The following FBXO33 variants were observed in gnomAD, a reference collection of about 807,000 sequenced individuals.
FBXO33 encodes the protein F-box only protein 33.
FBXO33 carries 22 observed loss-of-function variants against 46.3 expected under a neutral mutation model. The observed-to-expected ratio is 0.48, with a 90% CI of 0.34 to 0.68. The LOEUF (loss-of-function observed/expected upper bound fraction) is 0.68. Ranked by LOEUF, FBXO33 falls within the 30% of genes least tolerant of loss-of-function variation. The pLI is 0.01. For synonymous variants in FBXO33, 337 were observed against 291.3 expected (o/e 1.16, Z -1.60); for missense variants, 692 against 708.8 (o/e 0.98, Z 0.27).
intron 1 of FBXO33, among the ~76,000 whole-genome samples, chr14:39,412,419 C>T (rs965921490): frequency 1.9e-4 from 29 of 152,282 alleles, no homozygotes; most frequent in African/African-American, 6.7e-4. Context: ...TCTCATTTCC[C>T]CGCTTTCACC....
intron 1 of FBXO33, among the ~76,000 whole-genome samples, chr14:39,429,381 A>C (rs527299133): frequency 3.3e-4 from 50 of 152,350 alleles, no homozygotes; most frequent in Non-Finnish European, 8.8e-5. Flanking sequence ...GAGCAATGTC[A>C]AATGTCCCAA....
intron 1 of FBXO33, among the ~76,000 whole-genome samples, chr14:39,403,592 T>G (rs2075378820): frequency 6.6e-6 from 1 of 152,166 alleles, no homozygotes; most frequent in South Asian, 2.1e-4. Flanking sequence ...AATCTTTTGG[T>G]TTTAGATAAT....
intron 1 of FBXO33, among the ~76,000 whole-genome samples, chr14:39,430,746 T>C (rs1044848633): frequency 1.3e-5 from 2 of 152,178 alleles, no homozygotes; most frequent in African/African-American, 4.8e-5. Context: ...TCTAAATTAA[T>C]AGGGTTTTGG....
chr14:39,410,870 T>C (rs1003747139), intron 1 of FBXO33, among the ~76,000 whole-genome samples: 1 of 152,208 alleles, frequency 6.6e-6, no homozygotes, highest in Non-Finnish European at 1.5e-5. Flanking sequence ...TCAGTTGTAA[T>C]GTCTCCTCTT....
At chr14:39,420,275 A>G (rs755066655) in intron 1 of FBXO33, among the ~76,000 whole-genome samples, 4 of 152,232 alleles carry the variant, frequency 2.6e-5, no homozygotes, top group African/African-American at 7.2e-5. Flanking sequence ...GGAATTACTG[A>G]TAACTCTGTT....
intron 1 of FBXO33, among the ~76,000 whole-genome samples, chr14:39,424,828 G>A (rs1344341064): frequency 6.6e-6 from 1 of 152,162 alleles, no homozygotes; most frequent in African/African-American, 2.4e-5. Flanking sequence ...GCCAAGGCAG[G>A]CGGATCATGA....
intron 1 of FBXO33, among the ~76,000 whole-genome samples, chr14:39,402,817 G>T (rs2075375008): frequency 6.6e-6 from 1 of 151,748 alleles, no homozygotes; most frequent in Non-Finnish European, 1.5e-5. Context: ...CGACTAGCTG[G>T]GACTACAGGC....
At chr14:39,416,256 G>GTTTTT (rs71435661) in intron 1 of FBXO33, among the ~76,000 whole-genome samples, 1 of 149,556 alleles carries the variant, frequency 6.7e-6, no homozygotes, top group East Asian at 2.0e-4. Context: ...TTGGTTGACA[G>GTTTTT]TTTTTTTTTT....
chr14:39,407,908 A>G (rs2139405882), intron 1 of FBXO33, among the ~76,000 whole-genome samples: 1 of 152,296 alleles, frequency 6.6e-6, no homozygotes, highest in East Asian at 1.9e-4. Flanking sequence ...TCCCACAAAC[A>G]GTTGTATAAA....
intron 3 of FBXO33, among the ~76,000 whole-genome samples, chr14:39,400,857 C>G (rs1020160658): frequency 6.6e-6 from 1 of 152,062 alleles, no homozygotes; most frequent in African/African-American, 2.4e-5. Flanking sequence ...TTTAAGGGGT[C>G]GTGTGATTAG....
rs557403515 is a variant in FBXO33, at chr14:39,406,790, G to C, written c.600-4279C>G. ...AAGAGAGAACCGCTGGAAAGCAGTA[G>C]AGTCCACACAGTGGTAAGGTAACAC... On this transcript the variant is annotated intron_variant, in intron 1 of 3. Transcript: ENST00000298097. Among the ~76,000 whole-genome samples, 3 of 152,294 alleles carry C rather than the reference G, an allele frequency of 2.0e-5. No individual in the cohort carries two copies. The South Asian group carries it at 6.2e-4, about 32-fold the overall frequency.
chr14:39,421,780 TCACACACACACACACACACACACA>T (rs10582893), intron 1 of FBXO33, among the ~76,000 whole-genome samples: 10 of 149,064 alleles, frequency 6.7e-5, no homozygotes, highest in African/African-American at 2.0e-4. Flanking sequence ...TGAGTACAAA[TCACACACACACACACACACACACA>T]CACACACACA....
intron 1 of FBXO33, among the ~76,000 whole-genome samples, chr14:39,418,164 C>T (rs1388678801): frequency 3.3e-5 from 5 of 151,438 alleles, no homozygotes; most frequent in Admixed American, 6.6e-5. Context: ...CCCGGGTTCA[C>T]GTCATTCTCC....
Position 39,401,215 on chromosome 14 carries a change from C to CTAAT in FBXO33, c.1353_1356dup (p.Ala453IlefsTer33). 1 of 1,609,236 alleles carries CTAAT rather than the reference C, an allele frequency of 6.2e-7. No individual in the cohort carries two copies. On this transcript the variant is annotated frameshift_variant, in exon 3 of 4. Coordinates refer to ENST00000298097, the MANE Select transcript of FBXO33 (RefSeq NM_203301.4). LOFTEE classifies it high-confidence loss of function. ...AGAGAGAGCTTTGTGCACCTCCATG[C>CTAAT]TAATAAAACCAACGGATCTTCATTT...
chr14:39,403,250 C>A (rs1211760461), intron 1 of FBXO33, among the ~76,000 whole-genome samples: 2 of 152,146 alleles, frequency 1.3e-5, no homozygotes, highest in Admixed American at 6.5e-5. Context: ...CTAAAGAGAA[C>A]CTTCTCCAGT....
intron 1 of FBXO33, 50 bp from the exon 2 acceptor site, chr14:39,402,561 A>C (rs746946506): frequency 2.4e-5 from 21 of 861,722 alleles, no homozygotes; most frequent in Non-Finnish European, 3.2e-5. Context: ...TATACTTAAA[A>C]AATATAAATA....
At chr14:39,426,103 T>A (rs1340287607) in intron 1 of FBXO33, among the ~76,000 whole-genome samples, 1 of 152,142 alleles carries the variant, frequency 6.6e-6, no homozygotes, top group Non-Finnish European at 1.5e-5. Context: ...TTGCGGTTGT[T>A]ATTTAACATG....
At chr14:39,413,696 G>A (rs1239256099) in intron 1 of FBXO33, among the ~76,000 whole-genome samples, 1 of 152,158 alleles carries the variant, frequency 6.6e-6, no homozygotes, top group Non-Finnish European at 1.5e-5. Flanking sequence ...TGCTGTGTTC[G>A]CAAGCATGAA....
chr14:39,403,676 ACTC>A lies in FBXO33; in HGVS notation c.600-1168_600-1166del, dbSNP rs1299646619. Reference sequence around the variant, plus strand: ...TAGGAGAAAACTGGATGAAGAGAAAACTCCTAAGTCCAATAATAACGAACTAGA... The same window carrying A: ...TAGGAGAAAACTGGATGAAGAGAAAACTAAGTCCAATAATAACGAACTAGA... On this transcript the variant is annotated intron_variant, in intron 1 of 3. Transcript: ENST00000298097. 2.0e-5 allele frequency among the ~76,000 whole-genome samples: 3 copies of A among 152,130 alleles called. No individual in the cohort carries two copies. The East Asian group carries it at 5.8e-4, about 29-fold the overall frequency.
Sources: allele counts gnomAD v4.1 joint callset (sites outside exome capture counted in the v4.1 genomes callset), GRCh38; gene constraint gnomAD v4.1.1; transcripts MANE v1.5; gene names NCBI Gene and HGNC (gene_info 2026-07-23, HGNC 2026-07-21).